KANSL1: variants seen among roughly 807,000 people sequenced by gnomAD.
KANSL1 encodes MLL1/MLL complex subunit KANSL1.
In KANSL1, 22 loss-of-function variants were observed where a neutral mutation model predicts 103.6. That is an observed-to-expected ratio of 0.21 (90% confidence interval 0.15 to 0.30). KANSL1 has a LOEUF of 0.30. Ranked by LOEUF, KANSL1 falls within the 10% of genes least tolerant of loss-of-function variation. The pLI is 1.00. For missense variants in KANSL1, 1,337 were observed against 1,399.8 expected, an observed-to-expected ratio of 0.96 and a Z score of 0.72; for synonymous variants, 600 against 527.6, an observed-to-expected ratio of 1.14 and a Z score of -1.88.
chr17:46,037,562 A>G (rs2077186588), intron 10 of KANSL1: 1 of 152,258 alleles, frequency 6.6e-6, no homozygotes, highest in South Asian at 2.1e-4. Flanking sequence ...CTGGCTCTAC[A>G]GTCAGGCTGC....
At chr17:46,083,253 AC>A (rs755976163) in intron 3 of KANSL1, among the ~76,000 whole-genome samples, 2 of 152,216 alleles carry the variant, frequency 1.3e-5, no homozygotes, top group African/African-American at 2.4e-5. Flanking sequence ...TATTAAAAAA[AC>A]AAAATACTAC....
At chr17:46,158,474 C>T (rs2045555401) in intron 2 of KANSL1, among the ~76,000 whole-genome samples, 1 of 151,852 alleles carries the variant, frequency 6.6e-6, no homozygotes, top group African/African-American at 2.4e-5. Flanking sequence ...GTGATTCTTG[C>T]ACCTCAGCCT....
chr17:46,165,077 A>C (rs934257072), intron 2 of KANSL1, among the ~76,000 whole-genome samples: 1 of 152,248 alleles, frequency 6.6e-6, no homozygotes, highest in Non-Finnish European at 1.5e-5. Context: ...ACTGCACTCC[A>C]GCCTGAGTGA....
chr17:46,133,746 G>C (rs1472901127), intron 2 of KANSL1, among the ~76,000 whole-genome samples: 1 of 152,188 alleles, frequency 6.6e-6, no homozygotes, highest in Admixed American at 6.5e-5. Flanking sequence ...GGGTAGGGGC[G>C]CGACTCATGA....
chr17:46,055,667 A>G (rs2077899788), intron 6 of KANSL1, among the ~76,000 whole-genome samples: 1 of 152,156 alleles, frequency 6.6e-6, no homozygotes. Context: ...GATACAACTG[A>G]AAGAATGTAA....
At position 46,125,029 on chromosome 17, in the gene KANSL1, G is replaced by A. The variant is rs1435029044; in HGVS notation, c.1290-30328C>T. Among the ~76,000 whole-genome samples, 2 of 111,852 alleles carry A rather than the reference G, an allele frequency of 1.8e-5. 1 individual carries two copies. The highest frequency in any genetic ancestry group is 2.0e-4 in the Admixed American group (2 of 10,030). 73.4% of individuals were successfully genotyped at this position (111,852 alleles called of 152,430 possible). The stretch of plus-strand genomic sequence containing the variant: ...AAAGGGAAGGGAAGGGAAGGGAGGG[G>A]AGGTAGGGAGGGAGGGAGGAGGGAG... On this transcript the variant is annotated intron_variant, in intron 2 of 14. Transcript: ENST00000432791.
intron 3 of KANSL1, among the ~76,000 whole-genome samples, chr17:46,083,915 T>C (rs1568428600): frequency 6.6e-6 from 1 of 151,908 alleles, no homozygotes; most frequent in Non-Finnish European, 1.5e-5. Context: ...TCCTTGTAAC[T>C]AAAAAACCAA....
intron 10 of KANSL1, among the ~76,000 whole-genome samples, chr17:46,036,998 C>A (rs62062325): frequency 0.14 from 21,760 of 152,150 alleles, 2,109 homozygotes; most frequent in Non-Finnish European, 0.22. Context: ...TATAGGTGAG[C>A]GCCACTGTGC....
At chr17:46,205,183 G>T (rs183027853) in intron 1 of KANSL1, among the ~76,000 whole-genome samples, 1 of 152,158 alleles carries the variant, frequency 6.6e-6, no homozygotes, top group Admixed American at 6.5e-5. Context: ...ACCTTTATTT[G>T]CAGATGATAT....
At chr17:46,204,055 G>C (rs990159215) in intron 1 of KANSL1, among the ~76,000 whole-genome samples, 1 of 152,206 alleles carries the variant, frequency 6.6e-6, no homozygotes, top group Admixed American at 6.5e-5. Flanking sequence ...TGTGCCATGT[G>C]CCTCTAGTCC....
At chr17:46,214,454 A>G (rs2696610) in intron 1 of KANSL1, among the ~76,000 whole-genome samples, 21,949 of 152,112 alleles carry the variant, frequency 0.14, 2,136 homozygotes, top group Non-Finnish European at 0.22. Context: ...AGGAGTTCGC[A>G]ACCAGCCTGA....
At chr17:46,075,845 C>T (rs958763635) in intron 4 of KANSL1, among the ~76,000 whole-genome samples, 2 of 152,100 alleles carry the variant, frequency 1.3e-5, no homozygotes, top group Admixed American at 1.3e-4. Flanking sequence ...TCTTTCAAGC[C>T]TATGCTGCAT....
At chr17:46,082,224 G>A (rs1260983604) in intron 4 of KANSL1, among the ~76,000 whole-genome samples, 1 of 152,104 alleles carries the variant, frequency 6.6e-6, no homozygotes, top group Non-Finnish European at 1.5e-5. Context: ...TTGAGAATTG[G>A]AGCTGCTTTT....
At chr17:46,056,524 C>G (rs2077936308) in intron 6 of KANSL1, among the ~76,000 whole-genome samples, 1 of 152,152 alleles carries the variant, frequency 6.6e-6, no homozygotes, top group South Asian at 2.1e-4. Context: ...AGATAAATAA[C>G]TCACAACAGT....
At chr17:46,110,549 C>G (rs2147100459) in intron 2 of KANSL1, among the ~76,000 whole-genome samples, 1 of 152,272 alleles carries the variant, frequency 6.6e-6, no homozygotes, top group Admixed American at 6.5e-5. Context: ...TTTTTGTTAA[C>G]AGTTGGAATA....
intron 2 of KANSL1, among the ~76,000 whole-genome samples, chr17:46,112,329 T>C (rs1269548681): frequency 1.6e-4 from 20 of 128,080 alleles, no homozygotes; most frequent in African/African-American, 5.7e-4. Flanking sequence ...GATCAAGTCA[T>C]TGCACTCCAG....
chr17:46,106,435 C>G (rs1413738817), intron 2 of KANSL1, among the ~76,000 whole-genome samples: 2 of 152,188 alleles, frequency 1.3e-5, no homozygotes, highest in East Asian at 1.9e-4. Context: ...CTCTTTCGCC[C>G]AGGCTGGAGT....
At chr17:46,134,123 C>T (rs751669287) in intron 2 of KANSL1, among the ~76,000 whole-genome samples, 1 of 152,158 alleles carries the variant, frequency 6.6e-6, no homozygotes, top group African/African-American at 2.4e-5. Flanking sequence ...AATGGCCTGG[C>T]GTGGTGGCTC....
chr17:46,046,643 CTGG>C (rs2077518786), intron 7 of KANSL1, among the ~76,000 whole-genome samples: 1 of 150,946 alleles, frequency 6.6e-6, no homozygotes, highest in Non-Finnish European at 1.5e-5. Context: ...CAAGACCCTC[CTGG>C]CCAATATGGT....
Sources: gnomAD v4.1 joint callset for allele counts (sites outside exome capture counted in the v4.1 genomes callset) on GRCh38, gnomAD v4.1.1 for gene constraint, MANE v1.5 for transcripts, NCBI Gene and HGNC (gene_info 2026-07-23, HGNC 2026-07-21) for gene names.